KCNH8: variants seen among roughly 807,000 people sequenced by gnomAD.
The protein encoded by KCNH8 is voltage-gated delayed rectifier potassium channel KCNH8.
KCNH8 carries 70 observed loss-of-function variants against 103.6 expected under a neutral mutation model. The observed-to-expected ratio is 0.68, with a 90% confidence interval of 0.56 to 0.82. The LOEUF (loss-of-function observed/expected upper bound fraction) is 0.82, where lower values mean the gene tolerates loss of function less well. KCNH8 is among the 40% of genes least tolerant of loss of function. The pLI, the probability that KCNH8 is intolerant of heterozygous loss-of-function variation, is 0.00. For synonymous variants in KCNH8, 498 were observed against 489.4 expected (o/e 1.02, Z -0.23); for missense variants, 1,217 against 1,329.9 (o/e 0.92, Z 1.32).
At position 19,501,766 on chromosome 3, in the gene KCNH8, T is replaced by G. The variant is rs1272042257; in HGVS notation, c.2041-8597T>G. On this transcript the variant is annotated intron_variant, in intron 11 of 15. Transcript: ENST00000328405. Reference sequence around the variant, plus strand: ...ACTCTCAATAAATTAGGTATTGATGTGACGTATCTCAAAATAATAAGAGCT... The same window carrying G: ...ACTCTCAATAAATTAGGTATTGATGGGACGTATCTCAAAATAATAAGAGCT... 3.2e-3 allele frequency among the ~76,000 whole-genome samples: 482 copies of G among 152,066 alleles called. 3 individuals carry two copies. Among genetic ancestry groups the G allele is most frequent in the Non-Finnish European group, 5.0e-3 (339 of 67,918 alleles).
chr3:19,413,521 C>T (rs2125150222), intron 7 of KCNH8, among the ~76,000 whole-genome samples: 1 of 152,138 alleles, frequency 6.6e-6, no homozygotes, highest in East Asian at 1.9e-4. Context: ...CAAACCTGTA[C>T]ATGTACCTCC....
chr3:19,393,008 C>T (rs2066461798), intron 6 of KCNH8, among the ~76,000 whole-genome samples: 1 of 152,012 alleles, frequency 6.6e-6, no homozygotes, highest in Admixed American at 6.6e-5. Flanking sequence ...GACCTCACAA[C>T]ATATTAGTTA....
chr3:19,462,999 G>A (rs529083041), intron 11 of KCNH8, among the ~76,000 whole-genome samples: 3 of 152,100 alleles, frequency 2.0e-5, no homozygotes, highest in Non-Finnish European at 4.4e-5. Context: ...AGTGGTGTCT[G>A]TACTAAATAT....
intron 3 of KCNH8, among the ~76,000 whole-genome samples, chr3:19,306,395 G>A (rs2065130687): frequency 6.6e-6 from 1 of 152,058 alleles, no homozygotes; most frequent in South Asian, 2.1e-4. Context: ...AACATTTAAA[G>A]TAGACTTCAT....
chr3:19,428,902 T>G (rs1322539585), intron 7 of KCNH8, among the ~76,000 whole-genome samples: 2 of 152,148 alleles, frequency 1.3e-5, no homozygotes, highest in Non-Finnish European at 2.9e-5. Flanking sequence ...TTCGCTGTGT[T>G]TCTTGTTCTC....
At position 19,346,702 on chromosome 3, in the gene KCNH8, A is replaced by G. The variant is rs555787725; in HGVS notation, c.571-1023A>G. ...ACATTAATCTGCCCTTCCCTCAATG[A>G]GTGAGACAAGAACACAACATTGTGA... On this transcript the variant is annotated intron_variant, in intron 4 of 15. Transcript: ENST00000328405. 1.7e-3 allele frequency: 763 copies of G among 456,306 alleles called. 13 individuals are homozygous for G. Among genetic ancestry groups the G allele is most frequent in the South Asian group, 0.011 (729 of 64,514 alleles). The allele number at this position is 456,306 out of a possible 1,614,324, so 28.3% of individuals were successfully genotyped here. A position where few individuals can be genotyped will look rare whatever the true frequency, so the allele number is the denominator to read the frequency against.
At chr3:19,293,415 A>G (rs545369493) in intron 3 of KCNH8, among the ~76,000 whole-genome samples, 1 of 152,282 alleles carries the variant, frequency 6.6e-6, no homozygotes, top group Non-Finnish European at 1.5e-5. Context: ...GTTATTTAAA[A>G]TCCTTACTAT....
At chr3:19,340,675 CTT>C (rs1225025126) in intron 3 of KCNH8, among the ~76,000 whole-genome samples, 1 of 152,050 alleles carries the variant, frequency 6.6e-6, no homozygotes, top group Non-Finnish European at 1.5e-5. Context: ...AATGTTAAAA[CTT>C]TTTAAAGTAA....
At chr3:19,505,620 A>C (rs2068676542) in intron 11 of KCNH8, among the ~76,000 whole-genome samples, 1 of 152,088 alleles carries the variant, frequency 6.6e-6, no homozygotes, top group Non-Finnish European at 1.5e-5. Context: ...AACCTTGGAA[A>C]ATCTGATGAT....
At position 19,171,764 on chromosome 3, in the gene KCNH8, A is replaced by G. The variant is rs151338134; in HGVS notation, c.76+22969A>G. Among the ~76,000 whole-genome samples, 692 of 152,380 alleles carry G rather than the reference A, an allele frequency of 4.5e-3. 3 individuals carry two copies. Among genetic ancestry groups the G allele is most frequent in the Non-Finnish European group, 7.1e-3 (484 of 68,038 alleles). On this transcript the variant is annotated intron_variant, in intron 1 of 15. Coordinates refer to ENST00000328405, the MANE Select transcript of KCNH8 (RefSeq NM_144633.3). ...AAAATGAAAACTATCTCATTAATCCAGAGTGAGACATGGCCCTGGGTTGAC... is the reference window on the plus strand; with the variant it reads ...AAAATGAAAACTATCTCATTAATCCGGAGTGAGACATGGCCCTGGGTTGAC...
At chr3:19,165,330 C>T (rs1489603088) in intron 1 of KCNH8, among the ~76,000 whole-genome samples, 2 of 152,154 alleles carry the variant, frequency 1.3e-5, no homozygotes, top group African/African-American at 4.8e-5. Flanking sequence ...GATGAGCAGC[C>T]TTTTCTGGAG....
chr3:19,485,913 G>A (rs11543540), intron 11 of KCNH8, among the ~76,000 whole-genome samples: 14,732 of 152,146 alleles, frequency 0.097, 1,542 homozygotes, highest in East Asian at 0.26. Flanking sequence ...CCTTTTTCTT[G>A]TATAATGCTC....
At chr3:19,351,626 G>A (rs935762881) in intron 5 of KCNH8, among the ~76,000 whole-genome samples, 19 of 151,920 alleles carry the variant, frequency 1.3e-4, no homozygotes, top group Admixed American at 5.3e-4. Flanking sequence ...TTTTATATCC[G>A]GCCAAACTAA....
At chr3:19,213,141 A>G (rs547481578) in intron 1 of KCNH8, among the ~76,000 whole-genome samples, 1 of 152,294 alleles carries the variant, frequency 6.6e-6, no homozygotes, top group South Asian at 2.1e-4. Context: ...TGATGTTAAC[A>G]AGTGCTGCTT....
intron 7 of KCNH8, among the ~76,000 whole-genome samples, chr3:19,432,083 G>T (rs537556817): frequency 6.6e-6 from 1 of 151,794 alleles, no homozygotes; most frequent in East Asian, 1.9e-4. Flanking sequence ...ACAAAGCTAA[G>T]GTAAACAAAA....
intron 6 of KCNH8, among the ~76,000 whole-genome samples, chr3:19,392,318 CAAA>C (rs10662694): frequency 8.0e-6 from 1 of 125,400 alleles, no homozygotes; most frequent in Non-Finnish European, 1.7e-5. Flanking sequence ...ACATCTGTGT[CAAA>C]AAAAAAAAAA....
chr3:19,251,662 A>G (rs183733401), intron 1 of KCNH8, among the ~76,000 whole-genome samples: 1 of 152,274 alleles, frequency 6.6e-6, no homozygotes, highest in Non-Finnish European at 1.5e-5. Context: ...CATGGCAGGA[A>G]AGATAGTCTG....
chr3:19,484,004 G>A (rs191987313), intron 11 of KCNH8, among the ~76,000 whole-genome samples: 1 of 151,918 alleles, frequency 6.6e-6, no homozygotes, highest in Non-Finnish European at 1.5e-5. Context: ...TGGTCATATA[G>A]TCTTTTTTTT....
chr3:19,317,752 A>G (rs943212460), intron 3 of KCNH8, among the ~76,000 whole-genome samples: 1 of 151,966 alleles, frequency 6.6e-6, no homozygotes, highest in African/African-American at 2.4e-5. Context: ...AGATGCAGGA[A>G]AGGCTTAAGA....
Sources: allele counts gnomAD v4.1 joint callset (sites outside exome capture counted in the v4.1 genomes callset), GRCh38; gene constraint gnomAD v4.1.1; transcripts MANE v1.5; gene names NCBI Gene and HGNC (gene_info 2026-07-23, HGNC 2026-07-21).